The following SSBP1 variants were observed in gnomAD, a reference collection of about 807,000 sequenced individuals.
SSBP1 encodes the protein single-stranded DNA-binding protein, mitochondrial.
A neutral mutation model predicts 27.0 loss-of-function variants in SSBP1; 20 were observed. The observed-to-expected ratio is 0.74, with a 90% CI of 0.52 to 1.08. The LOEUF (loss-of-function observed/expected upper bound fraction) is 1.08, where lower values mean the gene tolerates loss of function less well. Among genes scored for constraint, SSBP1 ranks in the 50% least tolerant of loss-of-function variants. The probability of loss-of-function intolerance (pLI) is 0.00; values close to 1 mark genes in which losing one functional copy is unlikely to be tolerated. For missense variants in SSBP1, 137 were observed against 182.4 expected (o/e 0.75, Z 1.44); for synonymous variants, 59 against 59.3 (o/e 1.00, Z 0.02).
intron 3 of SSBP1, among the ~76,000 whole-genome samples, chr7:141,742,921 C>A (rs1392589791): frequency 6.6e-6 from 1 of 152,166 alleles, no homozygotes; most frequent in Non-Finnish European, 1.5e-5. Flanking sequence ...GTGGCGCGGT[C>A]TCCGCTCACT....
At chr7:141,744,815 G>T (rs771688165) in intron 5 of SSBP1, among the ~76,000 whole-genome samples, 20 of 151,814 alleles carry the variant, frequency 1.3e-4, no homozygotes, top group Non-Finnish European at 2.5e-4. Flanking sequence ...GTGTGTGTGT[G>T]GGGTGGGGAG....
Position 141,743,145 on chromosome 7 carries a change from G to A in SSBP1, c.86-416G>A, listed in dbSNP as rs368834052. 1.7e-3 allele frequency among the ~76,000 whole-genome samples: 261 copies of A among 152,270 alleles called. 2 individuals are homozygous for A. Among genetic ancestry groups the A allele is most frequent in the East Asian group, 2.3e-3 (12 of 5,170 alleles). Reference sequence around the variant, plus strand: ...TGGGATTACAGGCGTGAGCCACCGCGCCCAGCCAGGTGTGGATTTCTTTAA... The same window carrying A: ...TGGGATTACAGGCGTGAGCCACCGCACCCAGCCAGGTGTGGATTTCTTTAA... On this transcript the variant is annotated intron_variant, in intron 3 of 6. Coordinates refer to ENST00000265304, the MANE Select transcript of SSBP1 (RefSeq NM_003143.3).
rs138989557 is a variant in SSBP1, at chr7:141,747,906, G to A, written c.403+2322G>A. Among the ~76,000 whole-genome samples the A allele has an allele frequency of 1.0e-2, 1,477 of 147,866 alleles. 12 individuals carry two copies. Among genetic ancestry groups the A allele is most frequent in the Non-Finnish European group, 0.015 (1,036 of 67,362 alleles). On this transcript the variant is annotated intron_variant, in intron 6 of 6. Coordinates refer to ENST00000265304, the MANE Select transcript of SSBP1 (RefSeq NM_003143.3). The stretch of plus-strand genomic sequence containing the variant: ...CCAGCTACTCAGGAGGCTGAGTCAT[G>A]AGAATTGCTTGAACCCAGGAGGCAG...
intron 5 of SSBP1, among the ~76,000 whole-genome samples, chr7:141,744,670 A>G (rs1799704756): frequency 6.6e-6 from 1 of 152,194 alleles, no homozygotes; most frequent in Admixed American, 6.5e-5. Flanking sequence ...TTTTCTTTTC[A>G]ATAACTGTAT....
chr7:141,746,722 A>T (rs1287878253), intron 6 of SSBP1, among the ~76,000 whole-genome samples: 1 of 152,248 alleles, frequency 6.6e-6, no homozygotes, highest in Non-Finnish European at 1.5e-5. Flanking sequence ...TTAAGAAGAT[A>T]TCCCTTAGGA....
At chr7:141,745,702 C>T (rs1205100390) in intron 6 of SSBP1, 118 bp downstream of exon 6, 8 of 1,454,040 alleles carry the variant, frequency 5.5e-6, no homozygotes, top group African/African-American at 1.4e-5. Flanking sequence ...TAAGGCAACT[C>T]ACTAGAAGAT....
intron 6 of SSBP1, among the ~76,000 whole-genome samples, chr7:141,748,516 A>G (rs1399322880): frequency 6.6e-6 from 1 of 152,220 alleles, no homozygotes; most frequent in African/African-American, 2.4e-5. Flanking sequence ...AAAGTGTATT[A>G]ACCTTGAAAA....
intron 2 of SSBP1, chr7:141,739,754 C>G (rs1161046494): frequency 6.6e-6 from 1 of 152,188 alleles, no homozygotes; most frequent in Non-Finnish European, 1.5e-5. Context: ...GGCACCAGCT[C>G]CTGTAGATTC....
At chr7:141,741,667 AGTT>A in intron 2 of SSBP1, 3 of 458,200 alleles carry the variant, frequency 6.5e-6, no homozygotes, top group Non-Finnish European at 8.6e-6. Flanking sequence ...GTAATATACC[AGTT>A]GTTTATACTA....
intron 5 of SSBP1, among the ~76,000 whole-genome samples, chr7:141,744,343 G>T (rs1438411024): frequency 6.6e-6 from 1 of 152,182 alleles, no homozygotes; most frequent in Non-Finnish European, 1.5e-5. Context: ...TCTGTGGCCG[G>T]GGATGCTGAG....
intron 6 of SSBP1, among the ~76,000 whole-genome samples, chr7:141,748,915 C>G (rs1008028967): frequency 6.6e-6 from 1 of 152,122 alleles, no homozygotes; most frequent in African/African-American, 2.4e-5. Flanking sequence ...AGTAACCGTT[C>G]TGGACCAAAA....
chr7:141,748,601 G>A (rs1250986119), intron 6 of SSBP1, among the ~76,000 whole-genome samples: 2 of 151,902 alleles, frequency 1.3e-5, no homozygotes, highest in African/African-American at 2.4e-5. Flanking sequence ...TAGATTGTTC[G>A]GATTATTGAG....
chr7:141,743,553 T>A lies in SSBP1; in HGVS notation c.86-8T>A, dbSNP rs1355525477. On this transcript the variant is annotated splice_polypyrimidine_tract_variant and splice_region_variant and intron_variant, in intron 3 of 6. Coordinates refer to ENST00000265304, the MANE Select transcript of SSBP1 (RefSeq NM_003143.3). ...GTTGTCTCATTTGGTCTTGATGTTG[T>A]GTTTCAGCCCTGAATCGTGTGCACT... The A allele has an allele frequency of 6.2e-7, 1 of 1,613,614 alleles. No homozygotes were observed. The highest frequency in any genetic ancestry group is 1.7e-5 in the Admixed American group (1 of 59,860).
intron 2 of SSBP1, chr7:141,740,044 G>A (rs1298277454): frequency 6.6e-6 from 1 of 152,148 alleles, no homozygotes; most frequent in Non-Finnish European, 1.5e-5. Flanking sequence ...ATCTTCTCCA[G>A]TAGATTTTTG....
At position 141,741,292 on chromosome 7, in the gene SSBP1, C is replaced by G. The variant is rs556653248; in HGVS notation, c.25-877C>G. ...GTTCTGCTCCTGTGAGAATCTAATG[C>G]CACTGCTGATCTGACAGGAGGCGGA... On this transcript the variant is annotated intron_variant, in intron 2 of 6. Coordinates refer to ENST00000265304, the MANE Select transcript of SSBP1 (RefSeq NM_003143.3). The G allele has an allele frequency of 5.9e-5, 9 of 152,416 alleles. No homozygotes were observed. The East Asian group carries it at 1.3e-3, about 23-fold the overall frequency. The allele number at this position is 152,416 out of a possible 1,614,324, so 9.4% of individuals were successfully genotyped here. A position where few individuals can be genotyped will look rare whatever the true frequency, so the allele number is the denominator to read the frequency against.
chr7:141,750,303 T>A lies in SSBP1; in HGVS notation c.404-8T>A, dbSNP rs765614853. Reference sequence around the variant, plus strand: ...GAAATTAATATTTACATTTTGGCTTTTTTACAGATAATATTATATTTCTGA... The same window carrying A: ...GAAATTAATATTTACATTTTGGCTTATTTACAGATAATATTATATTTCTGA... On this transcript the variant is annotated splice_region_variant and splice_polypyrimidine_tract_variant and intron_variant, in intron 6 of 6. Transcript: ENST00000265304. The A allele has an allele frequency of 6.3e-7, 1 of 1,589,224 alleles. No individual in the cohort carries two copies. Among genetic ancestry groups the A allele is most frequent in the East Asian group, 2.2e-5 (1 of 44,566 alleles).
At chr7:141,745,305 A>G (rs1229645175) in intron 5 of SSBP1, among the ~76,000 whole-genome samples, 191 bp from the exon 6 acceptor site, 2 of 152,200 alleles carry the variant, frequency 1.3e-5, no homozygotes, top group Admixed American at 1.3e-4. Context: ...TGTTTTACCT[A>G]GATGTTACCA....
In SSBP1 at chr7:141,743,672, G is replaced by A; in HGVS notation, c.197G>A (p.Arg66Gln). ...TCTCTAGCAACTAATGAGATGTGGC[G>A]ATCAGGGGATAGTGAAGTTTACCAA... The part of the protein sequence containing the change: ...IFSLATNEMW[R>Q]SGDSEVYQLG... Residue 66 changes from arginine (R) to glutamine (Q), a missense_variant, in exon 4 of 7, where the codon CGA (arginine) becomes CAA (glutamine). Transcript: ENST00000265304. The A allele has an allele frequency of 1.2e-6, 2 of 1,614,202 alleles. No individual in the cohort carries two copies. Among genetic ancestry groups the A allele is most frequent in the Non-Finnish European group, 1.7e-6 (2 of 1,180,032 alleles).
At position 141,744,814 on chromosome 7, in the gene SSBP1, TG is replaced by T. The variant is rs369060259; in HGVS notation, c.315-678del. Among the ~76,000 whole-genome samples the T allele has an allele frequency of 1.1e-3, 170 of 152,308 alleles. 1 individual carries two copies. The highest frequency in any genetic ancestry group is 3.9e-3 in the African/African-American group (162 of 41,562). Reference sequence around the variant, plus strand: ...ACTTACTGATTGATGGGTGTGTGTGTGGGGTGGGGAGCACCTGATGTTTCAC... The same window carrying T: ...ACTTACTGATTGATGGGTGTGTGTGTGGGTGGGGAGCACCTGATGTTTCAC... On this transcript the variant is annotated intron_variant, in intron 5 of 6. Transcript: ENST00000265304.
Sources: allele counts gnomAD v4.1 joint callset (sites outside exome capture counted in the v4.1 genomes callset), GRCh38; gene constraint gnomAD v4.1.1; transcripts MANE v1.5; gene names NCBI Gene and HGNC (gene_info 2026-07-23, HGNC 2026-07-21).